The following ZFAND4 variants were observed in gnomAD, a reference collection of about 807,000 sequenced individuals.
The protein encoded by ZFAND4 is AN1-type zinc finger protein 4.
A neutral mutation model predicts 64.4 loss-of-function variants in ZFAND4; 43 were observed. The observed-to-expected ratio is 0.67, with a 90% CI of 0.52 to 0.86. ZFAND4 has a LOEUF of 0.86. Ranked by LOEUF, ZFAND4 falls within the 40% of genes least tolerant of loss-of-function variation. The pLI is 0.00. For missense variants in ZFAND4, 929 were observed against 859.8 expected, an observed-to-expected ratio of 1.08 and a Z score of -1.01; for synonymous variants, 296 against 305.7, an observed-to-expected ratio of 0.97 and a Z score of 0.33.
chr10:45,616,556 G>T lies in ZFAND4; in HGVS notation c.2064C>A (p.Phe688Leu), dbSNP rs967483545. ...SSYECRCGNN[F>L]CASHRYAETH... ...TTTCTGCATAACGATGAGATGCACA[G>T]AAGTTGTTTCCACATCTAAAGCACA... Residue 688 changes from phenylalanine to leucine, a missense_variant, in exon 10 of 10, where the codon TTC (phenylalanine) becomes TTA (leucine). Phe to Leu is a conservative substitution (Grantham distance 22). Transcript: ENST00000344646. The T allele has an allele frequency of 6.8e-6, 11 of 1,613,974 alleles. No individual in the cohort carries two copies. Among genetic ancestry groups the T allele is most frequent in the East Asian group, 2.2e-5 (1 of 44,886 alleles).
chr10:45,666,550 A>G (rs1175356318), intron 1 of ZFAND4, among the ~76,000 whole-genome samples: 1 of 152,128 alleles, frequency 6.6e-6, no homozygotes, highest in Non-Finnish European at 1.5e-5. Flanking sequence ...GTTAAACTCT[A>G]ATTTGGCTAT....
Position 45,626,270 on chromosome 10 carries a change from G to C in ZFAND4, c.1553C>G (p.Ser518Cys). Reference protein sequence around the residue: ...QSLDVQNITDSSFSRTTCFQG... With the variant: ...QSLDVQNITDCSFSRTTCFQG... Reference sequence around the variant, plus strand: ...AAAGCAAGTAGTCCTAGAGAAAGAAGAATCAGTTATGTTTTGAACATCCAG... The same window carrying C: ...AAAGCAAGTAGTCCTAGAGAAAGAACAATCAGTTATGTTTTGAACATCCAG... The change falls in exon 7 of 10, where the codon TCT (serine) becomes TGT (cysteine). Residue 518 changes from serine (S) to cysteine (C), a missense_variant. Ser to Cys is a moderately radical substitution (Grantham distance 112). Transcript: ENST00000344646. The C allele has an allele frequency of 2.5e-6, 4 of 1,614,164 alleles. No individual in the cohort carries two copies. The highest frequency in any genetic ancestry group is 1.3e-5 in the African/African-American group (1 of 75,048).
rs539875265 is a variant in ZFAND4, at chr10:45,625,981, A to G, written c.1842T>C (p.Ser614=). The part of the protein sequence containing the change: ...HFQEENFRKS[S]PQLEHTGVFL... ...AAACTCCTGTATGTTCTAACTGGGG[A>G]GAACTTTTCCTAAAGTTTTCTTCCT... The change falls in exon 7 of 10, where the codon TCT becomes TCC. Residue 614 remains serine, a synonymous_variant. Transcript: ENST00000344646. 3 of 1,614,158 alleles carry G rather than the reference A, an allele frequency of 1.9e-6. No homozygotes were observed. Among genetic ancestry groups the G allele is most frequent in the East Asian group, 2.2e-5 (1 of 44,890 alleles).
chr10:45,617,969 A>T, intron 9 of ZFAND4, 171 bp downstream of exon 9: 1 of 577,506 alleles, frequency 1.7e-6, no homozygotes, highest in Non-Finnish European at 2.8e-6. Flanking sequence ...GAAACCCATG[A>T]GCTATCTACT....
In ZFAND4 at chr10:45,618,238, G is replaced by A. The variant is rs781766570; in HGVS notation, c.1950C>T (p.Leu650=). The A allele has an allele frequency of 1.9e-6, 3 of 1,613,464 alleles. No individual in the cohort carries two copies. The highest frequency in any genetic ancestry group is 1.1e-5 in the South Asian group (1 of 90,958). ...KSVGECTTHH[L]PPVKAPLQTK... ...TCTGAAGAGGGGCTTTCACAGGTGGGAGGTGATGAGTAGTACATTCTCCTG... is the reference window on the plus strand; with the variant it reads ...TCTGAAGAGGGGCTTTCACAGGTGGAAGGTGATGAGTAGTACATTCTCCTG... The change falls in exon 9 of 10, where the codon CTC becomes CTT. Residue 650 remains leucine (L), a synonymous_variant. Transcript: ENST00000344646.
Position 45,618,154 on chromosome 10 carries a change from A to T in ZFAND4, c.2034T>A (p.Ser678Arg). The change falls in exon 9 of 10, where the codon AGT (serine) becomes AGA (arginine). Residue 678 changes from serine (S) to arginine (R), a missense_variant. By Grantham distance (110) the Ser-to-Arg change is moderately radical. Coordinates refer to ENST00000344646, the MANE Select transcript of ZFAND4 (RefSeq NM_174890.4). ...FLCGKKTGLA[S>R]SYECRCGNNF... Reference sequence around the variant, plus strand: ...CGCCAACCTGCCTGCATTCGTAGCTACTAGCCAGTCCTGTTTTCTTTCCAC... The same window carrying T: ...CGCCAACCTGCCTGCATTCGTAGCTTCTAGCCAGTCCTGTTTTCTTTCCAC... 4 of 1,612,294 alleles carry T rather than the reference A, an allele frequency of 2.5e-6. No homozygotes were observed. The highest frequency in any genetic ancestry group is 3.4e-6 in the Non-Finnish European group (4 of 1,179,518).
At chr10:45,651,626 CT>C (rs1268499334) in intron 4 of ZFAND4, 1 of 478,914 alleles carries the variant, frequency 2.1e-6, no homozygotes, top group African/African-American at 2.0e-5. Flanking sequence ...ATTTGAAGAT[CT>C]GGTAGATTTA....
chr10:45,649,804 A>C (rs1308437770), intron 4 of ZFAND4: 1 of 152,186 alleles, frequency 6.6e-6, no homozygotes, highest in African/African-American at 2.4e-5. Context: ...GCAGACCTTT[A>C]GGGGGGAAAA....
In ZFAND4 at chr10:45,638,359, T is replaced by C. The variant is rs567067010; in HGVS notation, c.717+1457A>G. Among the ~76,000 whole-genome samples the C allele has an allele frequency of 2.7e-5, 4 of 148,372 alleles. No individual in the cohort carries two copies. In the South Asian group the frequency reaches 8.5e-4, roughly 31 times the overall value. ...AAAAAAAAAAATTAGCCCGGCGTAG[T>C]GGCGGGCGCCTGTGGTCTCAGCTAC... On this transcript the variant is annotated intron_variant, in intron 6 of 9. Coordinates refer to ENST00000344646, the MANE Select transcript of ZFAND4 (RefSeq NM_174890.4).
At chr10:45,635,424 G>A (rs2046528549) in intron 6 of ZFAND4, among the ~76,000 whole-genome samples, 1 of 152,058 alleles carries the variant, frequency 6.6e-6, no homozygotes, top group Non-Finnish European at 1.5e-5. Flanking sequence ...CTGGGGAAAG[G>A]ATAGTCTCTT....
intron 8 of ZFAND4, among the ~76,000 whole-genome samples, chr10:45,619,203 T>A (rs933578523): frequency 1.4e-5 from 2 of 147,204 alleles, no homozygotes; most frequent in Non-Finnish European, 3.0e-5. Flanking sequence ...CACGCTCAGC[T>A]TTTTTTTTTG....
At chr10:45,625,198 C>A (rs548258292) in intron 7 of ZFAND4, among the ~76,000 whole-genome samples, 3 of 147,890 alleles carry the variant, frequency 2.0e-5, no homozygotes, top group Admixed American at 6.8e-5. Flanking sequence ...AAAGGCCGGG[C>A]GCAATGGCTC....
At chr10:45,633,754 A>G (rs1415598817) in intron 6 of ZFAND4, among the ~76,000 whole-genome samples, 1 of 152,174 alleles carries the variant, frequency 6.6e-6, no homozygotes, top group Non-Finnish European at 1.5e-5. Context: ...CCTACCAAAA[A>G]TGTTCAAATT....
intron 6 of ZFAND4, among the ~76,000 whole-genome samples, chr10:45,628,268 C>A (rs2045973643): frequency 1.3e-5 from 2 of 152,072 alleles, no homozygotes; most frequent in Non-Finnish European, 1.5e-5. Context: ...CCAACTGAGG[C>A]AAGAAAAATT....
chr10:45,645,811 C>T (rs1564603586), intron 5 of ZFAND4, among the ~76,000 whole-genome samples: 1 of 152,060 alleles, frequency 6.6e-6, no homozygotes, highest in Non-Finnish European at 1.5e-5. Context: ...AGTGCAATTT[C>T]CAAATAATGT....
chr10:45,637,408 A>G (rs1005189135), intron 6 of ZFAND4, among the ~76,000 whole-genome samples: 1 of 151,988 alleles, frequency 6.6e-6, no homozygotes, highest in Non-Finnish European at 1.5e-5. Context: ...ATAAAGCTTT[A>G]AAGACCTGTG....
At chr10:45,640,503 T>A in intron 5 of ZFAND4, 1 of 1,083,760 alleles carries the variant, frequency 9.2e-7, no homozygotes, top group South Asian at 1.6e-5. Context: ...AAACATTTTT[T>A]TTTTCTTGAG....
chr10:45,627,503 A>AG (rs903766533), intron 6 of ZFAND4, among the ~76,000 whole-genome samples: 2 of 152,116 alleles, frequency 1.3e-5, no homozygotes, highest in African/African-American at 2.4e-5. Flanking sequence ...AAAAAAAAAA[A>AG]AAAGTTAAAA....
chr10:45,669,581 A>G (rs544112590), intron 1 of ZFAND4, among the ~76,000 whole-genome samples: 1 of 152,352 alleles, frequency 6.6e-6, no homozygotes, highest in South Asian at 2.1e-4. Flanking sequence ...CAACAAAAAA[A>G]GAGAATTTTA....
Sources: gnomAD v4.1 joint callset for allele counts (sites outside exome capture counted in the v4.1 genomes callset) on GRCh38, gnomAD v4.1.1 for gene constraint, MANE v1.5 for transcripts, NCBI Gene and HGNC (gene_info 2026-07-23, HGNC 2026-07-21) for gene names.